The following KATNB1 variants were observed in gnomAD, a reference collection of about 807,000 sequenced individuals.
The protein encoded by KATNB1 is katanin p80 WD40 repeat-containing subunit B1.
KATNB1 carries 38 observed loss-of-function variants against 82.3 expected under a neutral mutation model. The observed-to-expected ratio is 0.46, with a 90% CI of 0.36 to 0.61. The LOEUF is 0.61. Among genes scored for constraint, KATNB1 ranks in the 20% least tolerant of loss-of-function variants. The pLI is 0.00. For missense variants in KATNB1, 749 were observed against 915.7 expected, an observed-to-expected ratio of 0.82 and a Z score of 2.35; for synonymous variants, 361 against 368.7, an observed-to-expected ratio of 0.98 and a Z score of 0.24.
chr16:57,737,702 G>A (rs1053053401), intron 2 of KATNB1, among the ~76,000 whole-genome samples: 2 of 152,142 alleles, frequency 1.3e-5, no homozygotes, highest in Admixed American at 6.5e-5. Flanking sequence ...GGCCTGGGAT[G>A]GGGGAAGGAG....
At position 57,755,973 on chromosome 16, in the gene KATNB1, A is replaced by G. The variant is rs782242031; in HGVS notation, c.1644-19A>G. On this transcript the variant is annotated intron_variant, in intron 17 of 19. Coordinates refer to ENST00000379661, the MANE Select transcript of KATNB1 (RefSeq NM_005886.3). ...GGGGCAGGGCTGGGCTGATGGCAGC[A>G]TGTCCTGGCCTCTCCTAGCTCCCTG... is the stretch of plus-strand genomic sequence containing the variant. The G allele has an allele frequency of 6.2e-7, 1 of 1,613,258 alleles. No individual in the cohort carries two copies. Among genetic ancestry groups the G allele is most frequent in the South Asian group, 1.1e-5 (1 of 91,066 alleles).
chr16:57,755,102 G>A lies in KATNB1; in HGVS notation c.1297-17G>A. The A allele has an allele frequency of 1.9e-6, 3 of 1,612,998 alleles. No homozygotes were observed. The highest frequency in any genetic ancestry group is 2.5e-6 in the Non-Finnish European group (3 of 1,179,856). ...GGGAGGCCCCAGGCCGGCAACCGCT[G>A]AGTTTCACACTTTCAGCTGGAGGTC... On this transcript the variant is annotated splice_polypyrimidine_tract_variant and intron_variant, in intron 14 of 19. Transcript: ENST00000379661.
chr16:57,746,086 G>GA (rs1345850725), intron 4 of KATNB1, among the ~76,000 whole-genome samples: 1 of 152,176 alleles, frequency 6.6e-6, no homozygotes, highest in African/African-American at 2.4e-5. Context: ...AGCTTTCTGA[G>GA]AAAATGTGCT....
At position 57,737,253 on chromosome 16, in the gene KATNB1, C is replaced by T. The variant is rs766974907; in HGVS notation, c.10C>T (p.Pro4Ser). Residue 4 changes from proline to serine, a missense_variant, in exon 2 of 20, where the codon CCT becomes TCT. Physicochemically the swap from Pro to Ser is moderately conservative, Grantham distance 74. This residue lies in a region of KATNB1 where 247 missense variants were observed against 349.4 expected (regional missense o/e 0.71). Transcript: ENST00000379661. MAT[P>S]VVTKTAWKLQ... ...GCCAGCCAGCTGAAGGATGGCCACCCCTGTGGTCACCAAGACAGCCTGGAA... is the reference window on the plus strand; with the variant it reads ...GCCAGCCAGCTGAAGGATGGCCACCTCTGTGGTCACCAAGACAGCCTGGAA... 15 of 1,614,100 alleles carry T rather than the reference C, an allele frequency of 9.3e-6. No individual in the cohort carries two copies. In the Admixed American group the frequency reaches 1.8e-4, roughly 20 times the overall value.
intron 1 of KATNB1, 23 bp from the exon 2 acceptor site, chr16:57,736,955 G>A: frequency 1.5e-6 from 1 of 663,900 alleles, no homozygotes; most frequent in Non-Finnish European, 2.8e-6. Flanking sequence ...CTAACATGAC[G>A]TCACCTCTTG....
chr16:57,746,409 G>A (rs977057438), intron 4 of KATNB1, among the ~76,000 whole-genome samples: 4 of 151,768 alleles, frequency 2.6e-5, no homozygotes, highest in Non-Finnish European at 5.9e-5. Flanking sequence ...TAGGGTCTTT[G>A]TCCCAGTGTT....
intron 12 of KATNB1, 28 bp downstream of exon 12, chr16:57,753,547 A>C (rs1378081358): frequency 1.2e-6 from 2 of 1,610,282 alleles, no homozygotes; most frequent in Admixed American, 1.7e-5. Flanking sequence ...CCCCCAGCCC[A>C]GCGTCCCCAT....
chr16:57,754,995 A>G lies in KATNB1; in HGVS notation c.1294A>G (p.Asn432Asp). 6.2e-7 allele frequency: 1 copy of G among 1,614,014 alleles called. No individual in the cohort carries two copies. Among genetic ancestry groups the G allele is most frequent in the Non-Finnish European group, 8.5e-7 (1 of 1,180,034 alleles). The change falls in exon 14 of 20, where the codon AAT becomes GAT. Residue 432 changes from asparagine (N) to aspartate (D), a missense_variant and splice_region_variant. Asn to Asp is a conservative substitution (Grantham distance 23). Around this residue, in one of 3 missense-constraint regions of KATNB1, gnomAD observed 407 missense variants for 434.7 expected, o/e 0.94. Coordinates refer to ENST00000379661, the MANE Select transcript of KATNB1 (RefSeq NM_005886.3). ...CATGGATGTGCAGTTCCCGGTGCCA[A>G]ATGTATGTCCATGGAGGGAGCATGG... ...PAMDVQFPVP[N>D]LEVLPRPPVV...
At chr16:57,756,512 C>G (rs782309452) in intron 19 of KATNB1, 40 bp downstream of exon 19, 1 of 1,544,060 alleles carries the variant, frequency 6.5e-7, no homozygotes, top group African/African-American at 1.4e-5. Context: ...GGTGCCACAA[C>G]AGGTGAGGGG....
Position 57,757,138 on chromosome 16 carries a change from C to A in KATNB1, c.*192C>A. The A allele has an allele frequency of 2.0e-6, 1 of 494,374 alleles. No individual in the cohort carries two copies. The highest frequency in any genetic ancestry group is 3.2e-6 in the Non-Finnish European group (1 of 309,746). 30.6% of individuals were successfully genotyped at this position (494,374 alleles called of 1,614,324 possible). A position where few individuals can be genotyped will look rare whatever the true frequency, so the allele number is the denominator to read the frequency against. On this transcript the variant is annotated 3_prime_UTR_variant, in exon 20 of 20. Coordinates refer to ENST00000379661, the MANE Select transcript of KATNB1 (RefSeq NM_005886.3). The stretch of plus-strand genomic sequence containing the variant: ...GAACTCTTGAGACAACTCTCTCCAG[C>A]AATAGCTGCCCAGCTTTGCCCAACT...
intron 4 of KATNB1, among the ~76,000 whole-genome samples, chr16:57,744,957 G>A (rs1392982893): frequency 6.6e-6 from 1 of 152,234 alleles, no homozygotes; most frequent in East Asian, 1.9e-4. Flanking sequence ...GCCATTAGAG[G>A]CAGCCTGGAA....
intron 4 of KATNB1, among the ~76,000 whole-genome samples, chr16:57,746,630 G>A (rs1326405711): frequency 6.6e-6 from 1 of 152,040 alleles, no homozygotes; most frequent in Admixed American, 6.5e-5. Flanking sequence ...AAATTCATGT[G>A]CCTTGGTGCC....
At chr16:57,747,374 C>T (rs1302940035) in intron 4 of KATNB1, among the ~76,000 whole-genome samples, 3 of 152,166 alleles carry the variant, frequency 2.0e-5, no homozygotes, top group South Asian at 2.1e-4. Context: ...TCTATGTTGG[C>T]GGCAGGGCAG....
rs150194868 is a variant in KATNB1 at position 57,756,825 on chromosome 16, G to C, written c.1847G>C (p.Cys616Ser). Residue 616 changes from cysteine to serine, a missense_variant, in exon 20 of 20, where the codon TGC becomes TCC. Cys to Ser is a moderately radical substitution (Grantham distance 112). Coordinates refer to ENST00000379661, the MANE Select transcript of KATNB1 (RefSeq NM_005886.3). ...DISREERLHK[C>S]RLCYKQLKSI... The stretch of plus-strand genomic sequence containing the variant: ...TGCCCTCTCTACAGGCTGCATAAGT[G>C]CCGGCTCTGCTACAAGCAGCTTAAG... 5 of 1,570,856 alleles carry C rather than the reference G, an allele frequency of 3.2e-6. No individual in the cohort carries two copies. The highest frequency in any genetic ancestry group is 4.3e-6 in the Non-Finnish European group (5 of 1,156,250).
Position 57,756,708 on chromosome 16 carries a change from T to C in KATNB1, c.1836-106T>C. Reference sequence around the variant, plus strand: ...GGTGGTTCCCCTCTGGGCCTCCGCCTTCCCTTGGGAGGAAGGGCTGGAGCA... The same window carrying C: ...GGTGGTTCCCCTCTGGGCCTCCGCCCTCCCTTGGGAGGAAGGGCTGGAGCA... On this transcript the variant is annotated intron_variant, in intron 19 of 19. Coordinates refer to ENST00000379661, the MANE Select transcript of KATNB1 (RefSeq NM_005886.3). 3.5e-6 allele frequency: 5 copies of C among 1,437,280 alleles called. No homozygotes were observed. The East Asian group carries it at 1.3e-4, about 36-fold the overall frequency. 89.0% of individuals were successfully genotyped at this position (1,437,280 alleles called of 1,614,324 possible).
rs1555586652 is a variant in KATNB1, at chr16:57,756,479, G to A, written c.1835+7G>A. 1.2e-6 allele frequency: 2 copies of A among 1,609,230 alleles called. No individual in the cohort carries two copies. Among genetic ancestry groups the A allele is most frequent in the Non-Finnish European group, 1.7e-6 (2 of 1,176,996 alleles). The stretch of plus-strand genomic sequence containing the variant: ...ATATCAGCAGGGAGGAGAGGTGAGG[G>A]CAGCGCATGTGTTGGGGGCAGGGGT... On this transcript the variant is annotated splice_region_variant and intron_variant, in intron 19 of 19. Transcript: ENST00000379661.
intron 2 of KATNB1, among the ~76,000 whole-genome samples, chr16:57,738,993 G>T (rs1455488280): frequency 6.6e-6 from 1 of 152,154 alleles, no homozygotes; most frequent in Admixed American, 6.5e-5. Context: ...AATGCTGCAG[G>T]CTGCATGAAC....
In KATNB1 at chr16:57,756,004, G is replaced by A. The variant is rs782022705; in HGVS notation, c.1656G>A (p.Lys552=). The change falls in exon 18 of 20, where the codon AAG becomes AAA. Residue 552 remains lysine, a synonymous_variant. Coordinates refer to ENST00000379661, the MANE Select transcript of KATNB1 (RefSeq NM_005886.3). The stretch of plus-strand genomic sequence containing the variant: ...TGGCCTCTCCTAGCTCCCTGTGGAA[G>A]CTGGACCTGTGCACCACCGTCCTGC... The part of the protein sequence containing the change: ...NIVNQKASLW[K]LDLCTTVLPQ... The A allele has an allele frequency of 6.2e-7, 1 of 1,612,938 alleles. No homozygotes were observed. Among genetic ancestry groups the A allele is most frequent in the African/African-American group, 1.3e-5 (1 of 74,924 alleles).
chr16:57,743,939 G>A (rs1445467118), intron 3 of KATNB1, among the ~76,000 whole-genome samples: 1 of 152,250 alleles, frequency 6.6e-6, no homozygotes, highest in Non-Finnish European at 1.5e-5. Context: ...CTAGAGGGGC[G>A]AGATGTGTGC....
Sources: allele counts gnomAD v4.1 joint callset (sites outside exome capture counted in the v4.1 genomes callset), GRCh38; gene constraint gnomAD v4.1.1; regional missense constraint gnomAD v4.1.1; transcripts MANE v1.5; gene names NCBI Gene and HGNC (gene_info 2026-07-23, HGNC 2026-07-21).